The following SPIDR variants were observed in gnomAD, a reference collection of about 807,000 sequenced individuals.
SPIDR encodes DNA repair-scaffolding protein.
In SPIDR, 93 loss-of-function variants were observed where a neutral mutation model predicts 104.6. The ratio of observed to expected loss-of-function variants is 0.89; its 90% CI spans 0.75 to 1.06. SPIDR has a LOEUF of 1.06. Among genes scored for constraint, SPIDR ranks in the 50% least tolerant of loss-of-function variants. The pLI is 0.00. For synonymous variants in SPIDR, 431 were observed against 416.9 expected (o/e 1.03, Z -0.41); for missense variants, 1,154 against 1,111.2 (o/e 1.04, Z -0.55).
chr8:47,425,406 A>G (rs2066257979), intron 7 of SPIDR, among the ~76,000 whole-genome samples: 1 of 152,110 alleles, frequency 6.6e-6, no homozygotes, highest in Admixed American at 6.5e-5. Flanking sequence ...AAGCAGAGAG[A>G]GAAAATCGGG....
chr8:47,721,262 A>G (rs1431506316), intron 16 of SPIDR, among the ~76,000 whole-genome samples: 1 of 152,116 alleles, frequency 6.6e-6, no homozygotes, highest in Non-Finnish European at 1.5e-5. Flanking sequence ...TTTTGAATTA[A>G]TTTTTGTAAA....
At chr8:47,457,418 G>A (rs2073176287) in intron 8 of SPIDR, among the ~76,000 whole-genome samples, 1 of 151,950 alleles carries the variant, frequency 6.6e-6, no homozygotes, top group Non-Finnish European at 1.5e-5. Context: ...TTTGAGAATT[G>A]TCTGTTCATA....
chr8:47,298,263 G>T (rs1293844786), intron 5 of SPIDR, among the ~76,000 whole-genome samples: 1 of 152,210 alleles, frequency 6.6e-6, no homozygotes, highest in East Asian at 1.9e-4. Context: ...CTTCTTTTGA[G>T]AAGTGTCTGT....
intron 8 of SPIDR, among the ~76,000 whole-genome samples, chr8:47,539,035 T>G (rs1194982582): frequency 2.0e-5 from 3 of 151,502 alleles, no homozygotes; most frequent in Non-Finnish European, 4.4e-5. Flanking sequence ...TAATTTTTGT[T>G]TTTTTAGTAG....
rs183072057 is a variant in SPIDR at position 47,713,686 on chromosome 8, T to C, written c.2341+45T>C. On this transcript the variant is annotated intron_variant, in intron 16 of 19. Coordinates refer to ENST00000297423, the MANE Select transcript of SPIDR (RefSeq NM_001080394.4). ...GAATTGGTGCTTATACTTTCTTAACTGTTATACTTTATATTCATTTACTCA... is the reference window on the plus strand; with the variant it reads ...GAATTGGTGCTTATACTTTCTTAACCGTTATACTTTATATTCATTTACTCA... The C allele has an allele frequency of 1.2e-4, 187 of 1,604,880 alleles. No homozygotes were observed. The East Asian group carries it at 4.0e-3, about 34-fold the overall frequency.
At chr8:47,531,192 T>C (rs1220701465) in intron 8 of SPIDR, among the ~76,000 whole-genome samples, 1 of 152,236 alleles carries the variant, frequency 6.6e-6, no homozygotes, top group Non-Finnish European at 1.5e-5. Context: ...GTACCCAACC[T>C]TTTTTAAAAA....
intron 6 of SPIDR, among the ~76,000 whole-genome samples, chr8:47,403,199 A>G (rs972409206): frequency 6.6e-6 from 1 of 152,238 alleles, no homozygotes; most frequent in African/African-American, 2.4e-5. Context: ...TATATCGGAC[A>G]TATCTCAAAA....
At chr8:47,390,469 T>C (rs1227398201) in intron 5 of SPIDR, among the ~76,000 whole-genome samples, 2 of 150,900 alleles carry the variant, frequency 1.3e-5, no homozygotes, top group African/African-American at 4.9e-5. Flanking sequence ...AAATAGTTCA[T>C]TTGTATGTGT....
chr8:47,356,614 A>G (rs1236313476), intron 5 of SPIDR, among the ~76,000 whole-genome samples: 2 of 152,220 alleles, frequency 1.3e-5, no homozygotes. Flanking sequence ...ACTGCTCATT[A>G]ACAAAGCTGA....
Position 47,396,544 on chromosome 8 carries a change from G to A in SPIDR, c.694G>A (p.Glu232Lys), listed in dbSNP as rs2061268487. ...GATAGATCCAAGGACAAAATCAACA[G>A]AGACCATTTTGCATACACCTCAGAA... is the stretch of plus-strand genomic sequence containing the variant. Reference protein sequence around the residue: ...RLIDPRTKSTETILHTPQKPT... With the variant: ...RLIDPRTKSTKTILHTPQKPT... Residue 232 changes from glutamate to lysine, a missense_variant, in exon 6 of 20, where the codon GAG (glutamate) becomes AAG (lysine). Glu to Lys is a moderately conservative substitution (Grantham distance 56). Transcript: ENST00000297423. The A allele has an allele frequency of 6.2e-7, 1 of 1,613,990 alleles. No individual in the cohort carries two copies. The highest frequency in any genetic ancestry group is 8.5e-7 in the Non-Finnish European group (1 of 1,180,016).
rs143530291 is a variant in SPIDR, at chr8:47,712,580, A to G, written c.1978-82A>G. On this transcript the variant is annotated intron_variant, in intron 14 of 19. Coordinates refer to ENST00000297423, the MANE Select transcript of SPIDR (RefSeq NM_001080394.4). ...TGAAATAATATCTTAAATTGTTAGT[A>G]TATGTATAACTTCTGCTTTTAAATG... 1,007 of 1,347,718 alleles carry G rather than the reference A, an allele frequency of 7.5e-4. 1 individual carries two copies. The African/African-American group carries it at 0.012, about 16-fold the overall frequency. 83.5% of individuals were successfully genotyped at this position (1,347,718 alleles called of 1,614,324 possible). A position where few individuals can be genotyped will look rare whatever the true frequency, so the allele number is the denominator to read the frequency against.
Position 47,735,448 on chromosome 8 carries a change from T to C in SPIDR, c.2746T>C (p.Ter916GlnextTer7), listed in dbSNP as rs752396729. The C allele has an allele frequency of 1.2e-6, 2 of 1,614,190 alleles. No individual in the cohort carries two copies. The highest frequency in any genetic ancestry group is 1.6e-4 in the Middle Eastern group (1 of 6,062). The stretch of plus-strand genomic sequence containing the variant: ...TGCAGGAGGGGCCTCTGCAGAACAC[T>C]AGCGGTTGCCGCAGGATCTGTGAAC... Reference protein sequence around the residue: ...LSAGGASAEH* With the variant: ...LSAGGASAEHQ Residue 916 changes from the stop codon to glutamine (Q), a stop_lost, in exon 20 of 20, where the codon TAG (stop) becomes CAG (glutamine). Transcript: ENST00000297423.
chr8:47,540,874 CTTGTT>C (rs1320008446), intron 8 of SPIDR, among the ~76,000 whole-genome samples: 1 of 152,118 alleles, frequency 6.6e-6, no homozygotes, highest in East Asian at 1.9e-4. Context: ...AATTAACACT[CTTGTT>C]TTGAGCGTCT....
At chr8:47,490,415 A>G (rs1428251153) in intron 8 of SPIDR, among the ~76,000 whole-genome samples, 2 of 152,232 alleles carry the variant, frequency 1.3e-5, no homozygotes, top group Non-Finnish European at 2.9e-5. Flanking sequence ...AAACTGGTTC[A>G]ACCATTGTGG....
chr8:47,411,058 A>T (rs1038763486), intron 7 of SPIDR, among the ~76,000 whole-genome samples: 8 of 152,194 alleles, frequency 5.3e-5, no homozygotes, highest in Non-Finnish European at 1.5e-5. Flanking sequence ...CCAGTCTATC[A>T]TTATTGGACA....
At chr8:47,379,288 GCCTGTAAT>G (rs1254461834) in intron 5 of SPIDR, among the ~76,000 whole-genome samples, 1 of 152,180 alleles carries the variant, frequency 6.6e-6, no homozygotes, top group Non-Finnish European at 1.5e-5. Flanking sequence ...GGTGGCTCAC[GCCTGTAAT>G]CCTAGCACTT....
intron 8 of SPIDR, among the ~76,000 whole-genome samples, chr8:47,460,087 C>T (rs921359014): frequency 6.6e-6 from 1 of 152,098 alleles, no homozygotes; most frequent in Non-Finnish European, 1.5e-5. Context: ...GTTCCATACA[C>T]TGATGAATAG....
intron 7 of SPIDR, among the ~76,000 whole-genome samples, chr8:47,430,745 A>G (rs556922603): frequency 2.6e-5 from 4 of 152,374 alleles, no homozygotes; most frequent in African/African-American, 9.6e-5. Context: ...TTATAAAAAT[A>G]GAAATACTTA....
At chr8:47,511,453 G>A (rs543324403) in intron 8 of SPIDR, 19 of 782,974 alleles carry the variant, frequency 2.4e-5, no homozygotes, top group Admixed American at 1.4e-4. Context: ...ATCCAAGTTC[G>A]CCTGTCCACT....
Sources: allele counts gnomAD v4.1 joint callset (sites outside exome capture counted in the v4.1 genomes callset), GRCh38; gene constraint gnomAD v4.1.1; transcripts MANE v1.5; gene names NCBI Gene and HGNC (gene_info 2026-07-23, HGNC 2026-07-21).